The following CIITA variants were observed in gnomAD, a reference collection of about 807,000 sequenced individuals.
CIITA encodes the protein MHC class II transactivator.
Under a neutral mutation model 115.1 loss-of-function variants are expected in CIITA, and 72 were observed. That is an observed-to-expected ratio of 0.63 (90% CI 0.52 to 0.76). The LOEUF is 0.76. CIITA is among the 30% of genes least tolerant of loss of function. The probability of loss-of-function intolerance (pLI) is 0.00; values close to 1 mark genes in which losing one functional copy is unlikely to be tolerated. For missense variants in CIITA, 1,617 were observed against 1,463.8 expected, an observed-to-expected ratio of 1.10 and a Z score of -1.71; for synonymous variants, 763 against 635.6, an observed-to-expected ratio of 1.20 and a Z score of -3.02.
chr16:10,912,419 T>C (rs1401544042), intron 13 of CIITA, among the ~76,000 whole-genome samples: 3 of 152,192 alleles, frequency 2.0e-5, no homozygotes, highest in Non-Finnish European at 4.4e-5. Context: ...CAGCTTATAA[T>C]TCAGTGCATT....
chr16:10,875,806 G>A (rs1333977916), upstream of CIITA, among the ~76,000 whole-genome samples: 1 of 152,012 alleles, frequency 6.6e-6, no homozygotes, highest in Non-Finnish European at 1.5e-5. Flanking sequence ...GAGTAGCTGG[G>A]ACTATAGTTG....
rs769054873 is a variant in CIITA, at chr16:10,895,354, C to CT, written c.126dup (p.Asp43Ter). 6.2e-7 allele frequency: 1 copy of CT among 1,614,118 alleles called. No individual in the cohort carries two copies. Among genetic ancestry groups the CT allele is most frequent in the South Asian group, 1.1e-5 (1 of 91,084 alleles). Reference sequence around the variant, plus strand: ...TACCTGGAGCTTCTTAACAGCGATGCTGACCCCCTGTGCCTCTACCACTTC... The same window carrying CT: ...TACCTGGAGCTTCTTAACAGCGATGCTTGACCCCCTGTGCCTCTACCACTTC... On this transcript the variant is annotated frameshift_variant, in exon 2 of 20. Coordinates refer to ENST00000324288, the MANE Select transcript of CIITA (RefSeq NM_000246.4). LOFTEE classifies it high-confidence loss of function.
chr16:10,907,248 G>A lies in CIITA; in HGVS notation c.1756G>A (p.Gly586Arg). 6.2e-7 allele frequency: 1 copy of A among 1,613,490 alleles called. No individual in the cohort carries two copies. ...AYVMRYFESSGMTEHQDRALT... is the reference protein window; with the variant it reads ...AYVMRYFESSRMTEHQDRALT... Reference sequence around the variant, plus strand: ...CGTGATGCGCTACTTTGAGAGCTCAGGGATGACAGAGCACCAAGACAGAGC... The same window carrying A: ...CGTGATGCGCTACTTTGAGAGCTCAAGGATGACAGAGCACCAAGACAGAGC... The change falls in exon 11 of 20, where the codon GGG becomes AGG. Residue 586 changes from glycine (G) to arginine (R), a missense_variant. Coordinates refer to ENST00000324288, the MANE Select transcript of CIITA (RefSeq NM_000246.4). The surrounding 1 kb of genome is among the most constrained non-coding windows in gnomAD (Gnocchi z 5.0).
rs1454599965 is a variant in CIITA at position 10,930,901 on chromosome 16, AC to A, written c.*7048del. Reference sequence around the variant, plus strand: ...CCCTCCACCAGCCTGCTCCTGAGACACCTGCTGGCCAGCAGCCTGAAGCAGA... The same window carrying A: ...CCCTCCACCAGCCTGCTCCTGAGACACTGCTGGCCAGCAGCCTGAAGCAGA... On this transcript the variant is annotated 3_prime_UTR_variant, in exon 20 of 20. Transcript: ENST00000324288. The A allele has an allele frequency of 6.6e-6, 1 of 152,344 alleles. No homozygotes were observed. The highest frequency in any genetic ancestry group is 2.4e-5 in the African/African-American group (1 of 41,448). 9.4% of individuals were successfully genotyped at this position (152,344 alleles called of 1,614,324 possible).
chr16:10,875,062 G>A (rs1035728407), upstream of CIITA, among the ~76,000 whole-genome samples: 3 of 151,774 alleles, frequency 2.0e-5, no homozygotes, highest in Non-Finnish European at 4.4e-5. Flanking sequence ...TCCACCTCCC[G>A]GGTTCATGTG....
intron 1 of CIITA, among the ~76,000 whole-genome samples, chr16:10,893,803 T>TCAAAAAAA (rs2037833950): frequency 3.4e-5 from 1 of 29,050 alleles, no homozygotes. Context: ...AGACTCCGTC[T>TCAAAAAAA]TAAAAAAAAA....
chr16:10,919,282 C>T (rs1208187374), intron 16 of CIITA, among the ~76,000 whole-genome samples: 1 of 354 alleles, frequency 2.8e-3, no homozygotes, highest in African/African-American at 3.4e-3. Context: ...CAACTTCTGC[C>T]CCCCCCCAGG....
chr16:10,875,852 T>C (rs1277783714), upstream of CIITA, among the ~76,000 whole-genome samples: 1 of 152,058 alleles, frequency 6.6e-6, no homozygotes, highest in Non-Finnish European at 1.5e-5. Flanking sequence ...TAAAAAATCA[T>C]TTGTAGAAAA....
At chr16:10,877,474 A>C in intron 1 of CIITA, 92 bp downstream of exon 1, 2 of 1,333,140 alleles carry the variant, frequency 1.5e-6, no homozygotes, top group Non-Finnish European at 2.1e-6. Context: ...TGAATTGGGG[A>C]TGGGGGTGAG....
At chr16:10,891,972 C>A (rs2039982990) in intron 1 of CIITA, among the ~76,000 whole-genome samples, 1 of 152,154 alleles carries the variant, frequency 6.6e-6, no homozygotes, top group South Asian at 2.1e-4. Flanking sequence ...TCTGTGACAT[C>A]CGGGGGTCTG....
Position 10,926,107 on chromosome 16 carries a change from C to T in CIITA, c.*2252C>T, listed in dbSNP as rs1223306110. 6.6e-6 allele frequency: 1 copy of T among 152,288 alleles called. No homozygotes were observed. Among genetic ancestry groups the T allele is most frequent in the Non-Finnish European group, 1.5e-5 (1 of 68,090 alleles). 9.4% of individuals were successfully genotyped at this position (152,288 alleles called of 1,614,324 possible). ...AGCTGCCTGTTCAGCTCCAGCTCAC[C>T]AGCCCCAGTGCCCACAGGATCAGTC... On this transcript the variant is annotated 3_prime_UTR_variant, in exon 20 of 20. Transcript: ENST00000324288.
chr16:10,895,874 AATC>A, intron 3 of CIITA, 110 bp downstream of exon 3: 2 of 1,057,322 alleles, frequency 1.9e-6, no homozygotes, highest in Non-Finnish European at 2.9e-6. Flanking sequence ...CTCCCACAGA[AATC>A]ATTGCAAGGG....
intron 1 of CIITA, among the ~76,000 whole-genome samples, chr16:10,866,852 A>G (rs1169925952): frequency 1.3e-5 from 2 of 152,204 alleles, no homozygotes; most frequent in Non-Finnish European, 1.5e-5. Flanking sequence ...CGATACACCA[A>G]CATTAACGGG....
intron 1 of CIITA, among the ~76,000 whole-genome samples, chr16:10,877,712 G>A (rs139778287): frequency 5.9e-5 from 9 of 152,276 alleles, no homozygotes; most frequent in African/African-American, 2.2e-4. Flanking sequence ...CCTCCCTTTG[G>A]GTAAATACTG....
chr16:10,898,480 C>T (rs2038365162), intron 3 of CIITA, among the ~76,000 whole-genome samples, 190 bp from the exon 4 acceptor site: 1 of 151,506 alleles, frequency 6.6e-6, no homozygotes, highest in South Asian at 2.1e-4. Flanking sequence ...ATACCTCATC[C>T]TTTTGATTAG....
rs1555511317 is a variant in CIITA at position 10,932,651 on chromosome 16, T to TCTCA, written c.*8797_*8798insTCAC. ...TCATGAGCTAAAAAATAAAACAAAA[T>TCTCA]CACACACACACACACAAAAAAACAC... On this transcript the variant is annotated 3_prime_UTR_variant, in exon 20 of 20. Coordinates refer to ENST00000324288, the MANE Select transcript of CIITA (RefSeq NM_000246.4). 7.2e-6 allele frequency: 1 copy of TCTCA among 138,986 alleles called. No homozygotes were observed. The highest frequency in any genetic ancestry group is 2.7e-5 in the African/African-American group (1 of 37,692). The allele number at this position is 138,986 out of a possible 1,614,324, so 8.6% of individuals were successfully genotyped here.
chr16:10,885,445 A>G (rs943206989), intron 1 of CIITA, among the ~76,000 whole-genome samples: 2 of 152,162 alleles, frequency 1.3e-5, no homozygotes. Context: ...TAAGCCCCTG[A>G]GCATTGCAGT....
At chr16:10,874,743 C>A (rs1295362045), upstream of CIITA, among the ~76,000 whole-genome samples, 1 of 152,152 alleles carries the variant, frequency 6.6e-6, no homozygotes, top group East Asian at 1.9e-4. Flanking sequence ...ATGTACCAGG[C>A]AGCTGCAGTC....
At chr16:10,915,162 CA>C (rs2144960478) in intron 13 of CIITA, 1 of 407,908 alleles carries the variant, frequency 2.5e-6, no homozygotes, top group African/African-American at 2.1e-5. Context: ...GCGATGCTTC[CA>C]CCTCAGCCTC....
Sources: allele counts gnomAD v4.1 joint callset (sites outside exome capture counted in the v4.1 genomes callset), GRCh38; gene constraint gnomAD v4.1.1; non-coding constraint Gnocchi (gnomAD v3.1); transcripts MANE v1.5; gene names NCBI Gene and HGNC (gene_info 2026-07-23, HGNC 2026-07-21).